The following GJB7 variants were observed in gnomAD, a reference collection of about 807,000 sequenced individuals.
GJB7 encodes the protein gap junction protein beta 7.
For synonymous variants in GJB7, 87 were observed against 95.2 expected, an observed-to-expected ratio of 0.91 and a Z score of 0.50; for missense variants, 253 against 256.8, an observed-to-expected ratio of 0.99 and a Z score of 0.10.
chr6:87,329,077 TCCCGAGTGAGGCAATGCCTCG>T (rs1414785934), intron 1 of GJB7, 40 bp downstream of exon 1: 1 of 153,052 alleles, frequency 6.5e-6, no homozygotes, highest in African/African-American at 2.4e-5. Context: ...CCCTTGCACT[TCCCGAGTGAGGCAATGCCTCG>T]CCCTGCTTCG....
Position 87,283,547 on chromosome 6 carries a change from G to C in GJB7, c.*694C>G, listed in dbSNP as rs566831138. Reference sequence around the variant, plus strand: ...ACTTATATCCAAGGATCCCTGAATCGGCAAGAGGCCTGGGCTCTGTGGCCT... The same window carrying C: ...ACTTATATCCAAGGATCCCTGAATCCGCAAGAGGCCTGGGCTCTGTGGCCT... On this transcript the variant is annotated 3_prime_UTR_variant, in exon 3 of 3. Transcript: ENST00000525899. 1 of 152,174 alleles carries C rather than the reference G, an allele frequency of 6.6e-6. No individual in the cohort carries two copies. The highest frequency in any genetic ancestry group is 2.4e-5 in the African/African-American group (1 of 41,410). The allele number at this position is 152,174 out of a possible 1,614,324, so 9.4% of individuals were successfully genotyped here. A position where few individuals can be genotyped will look rare whatever the true frequency, so the allele number is the denominator to read the frequency against.
intron 1 of GJB7, among the ~76,000 whole-genome samples, chr6:87,323,901 G>C (rs986906923): frequency 3.3e-5 from 5 of 152,158 alleles, no homozygotes; most frequent in Admixed American, 6.5e-5. Context: ...CAGTGTAAAA[G>C]TGTTCCTGTT....
chr6:87,290,561 G>T (rs149210939), intron 2 of GJB7, among the ~76,000 whole-genome samples: 1 of 151,432 alleles, frequency 6.6e-6, no homozygotes, highest in Admixed American at 6.5e-5. Flanking sequence ...TTATATGTAC[G>T]TTCATATTCC....
Position 87,310,631 on chromosome 6 carries a change from T to C in GJB7, c.-28+12235A>G, listed in dbSNP as rs905036662. On this transcript the variant is annotated intron_variant, in intron 2 of 2. Transcript: ENST00000525899. ...TAGCCATGTAATGAAAAGCCACCTG[T>C]TCCCCCAAAACATATTGAAATAAAA... Among the ~76,000 whole-genome samples, 3 of 151,298 alleles carry C rather than the reference T, an allele frequency of 2.0e-5. 1 individual carries two copies. The highest frequency in any genetic ancestry group is 7.4e-5 in the African/African-American group (3 of 40,700).
At chr6:87,307,554 AAG>A (rs946211589) in intron 2 of GJB7, among the ~76,000 whole-genome samples, 1 of 152,202 alleles carries the variant, frequency 6.6e-6, no homozygotes, top group African/African-American at 2.4e-5. Flanking sequence ...CCCCATCAAA[AAG>A]TGGGCAAAAG....
chr6:87,297,893 G>A (rs1392936389), intron 2 of GJB7, among the ~76,000 whole-genome samples: 1 of 152,144 alleles, frequency 6.6e-6, no homozygotes, highest in Admixed American at 6.5e-5. Context: ...TAGAATGCAG[G>A]GCCATCTTTC....
Position 87,284,379 on chromosome 6 carries a change from G to T in GJB7, c.534C>A (p.Ile178=). 6.2e-7 allele frequency: 1 copy of T among 1,613,926 alleles called. No individual in the cohort carries two copies. The highest frequency in any genetic ancestry group is 8.5e-7 in the Non-Finnish European group (1 of 1,179,802). The change falls in exon 3 of 3, where the codon ATC becomes ATA. Residue 178 remains isoleucine (I), a synonymous_variant. Transcript: ENST00000525899. ...AGGTGATGACCAAGAAGAGGATGAA[G>T]ATCGTCTTCTCAGTGGGTTTGGAGA... ...CFISKPTEKT[I]FILFLVITSC...
rs1776518672 is a variant in GJB7 at position 87,312,050 on chromosome 6, G to C, written c.-28+10816C>G. Among the ~76,000 whole-genome samples the C allele has an allele frequency of 3.3e-5, 5 of 152,092 alleles. 1 individual carries two copies. On this transcript the variant is annotated intron_variant, in intron 2 of 2. Transcript: ENST00000525899. ...AGGGGAGGGAGTGGATAGTGAGTGG[G>C]AGGAGACATAAGGGATTCTAGGATG... is the stretch of plus-strand genomic sequence containing the variant.
At chr6:87,299,202 T>C (rs410683) in intron 2 of GJB7, 211,749 of 439,974 alleles carry the variant, frequency 0.48, 52,988 homozygotes, top group Admixed American at 0.63. Context: ...GCTGTTGATG[T>C]TATAATTGCT....
intron 2 of GJB7, among the ~76,000 whole-genome samples, chr6:87,297,786 T>C (rs1334111316): frequency 6.6e-6 from 1 of 152,208 alleles, no homozygotes; most frequent in African/African-American, 2.4e-5. Context: ...ACTGAGTTAG[T>C]GGTGCTCCTC....
At chr6:87,325,875 G>A (rs990498191) in intron 1 of GJB7, among the ~76,000 whole-genome samples, 40 of 152,270 alleles carry the variant, frequency 2.6e-4, no homozygotes, top group African/African-American at 9.4e-4. Context: ...GTTAGAATTC[G>A]GCTGTGAAGC....
At chr6:87,325,972 A>G (rs1049512458) in intron 1 of GJB7, among the ~76,000 whole-genome samples, 14 of 152,192 alleles carry the variant, frequency 9.2e-5, no homozygotes, top group African/African-American at 2.9e-4. Context: ...AAGAGATTCA[A>G]CTTCTTCCTA....
intron 2 of GJB7, among the ~76,000 whole-genome samples, chr6:87,306,567 A>G (rs1032700858): frequency 1.3e-5 from 2 of 152,046 alleles, no homozygotes; most frequent in African/African-American, 2.4e-5. Context: ...ACACTTTTAC[A>G]CTGTTGATGG....
chr6:87,289,001 T>C (rs1776116018), intron 2 of GJB7, among the ~76,000 whole-genome samples: 1 of 152,200 alleles, frequency 6.6e-6, no homozygotes, highest in Admixed American at 6.5e-5. Context: ...TCTGTTGCAT[T>C]GAGGGTAGGG....
intron 2 of GJB7, among the ~76,000 whole-genome samples, chr6:87,304,189 A>G (rs1180852834): frequency 2.0e-5 from 3 of 152,200 alleles, no homozygotes; most frequent in Non-Finnish European, 4.4e-5. Flanking sequence ...GGAGAACTGA[A>G]GGAGACAGAG....
intron 2 of GJB7, among the ~76,000 whole-genome samples, chr6:87,316,775 C>T (rs998447693): frequency 6.6e-6 from 1 of 152,154 alleles, no homozygotes; most frequent in Admixed American, 6.5e-5. Flanking sequence ...CTGGACTGGC[C>T]CCATCTGTTT....
rs113089558 is a variant in GJB7 at position 87,295,113 on chromosome 6, CA to C, written c.-27-10175del. Among the ~76,000 whole-genome samples the C allele has an allele frequency of 6.1e-3, 842 of 137,180 alleles. 18 individuals carry two copies. Among genetic ancestry groups the C allele is most frequent in the East Asian group, 0.031 (146 of 4,764 alleles). The allele number at this position is 137,180 out of a possible 152,430, so 90.0% of individuals were successfully genotyped here. On this transcript the variant is annotated intron_variant, in intron 2 of 2. Coordinates refer to ENST00000525899, the MANE Select transcript of GJB7 (RefSeq NM_198568.3). ...ACCTTTGGTTGTATAATTTCCTGGC[CA>C]AAAAAAAAAATGGCATAAGAAATGA...
At chr6:87,289,841 C>A (rs963066047) in intron 2 of GJB7, among the ~76,000 whole-genome samples, 3 of 152,170 alleles carry the variant, frequency 2.0e-5, no homozygotes, top group South Asian at 2.1e-4. Context: ...GGAAGACAGG[C>A]AAGGCTACCT....
rs577574695 is a variant in GJB7 at position 87,328,494 on chromosome 6, T to A, written c.-206+644A>T. ...CAGACAGGACCGTAAGCTTCAGGTC[T>A]GTTGGAGTACCCGGCCGTGTGAGGT... On this transcript the variant is annotated intron_variant, in intron 1 of 2. Transcript: ENST00000525899. Among the ~76,000 whole-genome samples, 13 of 151,706 alleles carry A rather than the reference T, an allele frequency of 8.6e-5. No homozygotes were observed. The South Asian group carries it at 2.7e-3, about 32-fold the overall frequency.
Sources: gnomAD v4.1 joint callset for allele counts (sites outside exome capture counted in the v4.1 genomes callset) on GRCh38, gnomAD v4.1.1 for gene constraint, MANE v1.5 for transcripts, NCBI Gene and HGNC (gene_info 2026-07-23, HGNC 2026-07-21) for gene names.